The following KLF12 variants were observed in gnomAD, a reference collection of about 807,000 sequenced individuals.
KLF12 encodes the protein KLF transcription factor 12, also known as Krueppel-like factor 12.
Under a neutral mutation model 37.8 loss-of-function variants are expected in KLF12, and 9 were observed. The observed-to-expected ratio is 0.24, with a 90% CI of 0.14 to 0.42. The LOEUF (loss-of-function observed/expected upper bound fraction) is 0.42, where lower values mean the gene tolerates loss of function less well. Among genes scored for constraint, KLF12 ranks in the 10% least tolerant of loss-of-function variants. KLF12 has a pLI of 1.00. For synonymous variants in KLF12, 208 were observed against 202.1 expected (o/e 1.03, Z -0.25); for missense variants, 411 against 516.0 (o/e 0.80, Z 1.97).
At chr13:73,696,146 T>C (rs1329347309) in intron 7 of KLF12, among the ~76,000 whole-genome samples, 2 of 151,378 alleles carry the variant, frequency 1.3e-5, no homozygotes, top group African/African-American at 4.9e-5. Flanking sequence ...TCCAAGAATA[T>C]ACACAAAATT....
chr13:73,988,191 C>G (rs1052794859), intron 2 of KLF12, among the ~76,000 whole-genome samples: 5 of 152,208 alleles, frequency 3.3e-5, no homozygotes, highest in Non-Finnish European at 7.3e-5. Context: ...AAAATACACC[C>G]TTTTGCATTT....
At chr13:74,063,520 C>A (rs942911835) in intron 1 of KLF12, among the ~76,000 whole-genome samples, 1 of 152,162 alleles carries the variant, frequency 6.6e-6, no homozygotes, top group Non-Finnish European at 1.5e-5. Flanking sequence ...TGATAATCAG[C>A]CAAGATTTTA....
At chr13:74,283,853 T>C in the KLF12 span, among the ~76,000 whole-genome samples, 36 of 128,752 alleles carry the variant, frequency 2.8e-4, no homozygotes, top group African/African-American at 9.0e-4. Flanking sequence ...TAAGTATGTA[T>C]AAATCTTTTT....
At chr13:73,738,811 T>C (rs967902180) in intron 6 of KLF12, among the ~76,000 whole-genome samples, 2 of 152,196 alleles carry the variant, frequency 1.3e-5, no homozygotes, top group African/African-American at 4.8e-5. Flanking sequence ...CTGCCGGCCA[T>C]CTGTTGAGGT....
chr13:74,071,522 T>TA lies in KLF12; in HGVS notation c.-32+62216dup, dbSNP rs5804716. On this transcript the variant is annotated intron_variant, in intron 1 of 7. Coordinates refer to ENST00000377669, the MANE Select transcript of KLF12 (RefSeq NM_007249.5). ...TAACACAGTGAAACCCCGTCTCTAC[T>TA]AAAAAAAAAAATACAAAAAAATTAG... Among the ~76,000 whole-genome samples the TA allele has an allele frequency of 6.6e-3, 978 of 149,094 alleles. 4 individuals are homozygous for TA. Among genetic ancestry groups the TA allele is most frequent in the African/African-American group, 0.023 (940 of 40,462 alleles).
At chr13:73,981,157 G>GAAAC (rs760142834) in intron 2 of KLF12, among the ~76,000 whole-genome samples, 10 of 151,972 alleles carry the variant, frequency 6.6e-5, no homozygotes, top group African/African-American at 1.9e-4. Context: ...CCCTGTCTCA[G>GAAAC]AAACAAACAA....
At chr13:73,699,418 A>G (rs978254034) in intron 7 of KLF12, among the ~76,000 whole-genome samples, 1 of 152,090 alleles carries the variant, frequency 6.6e-6, no homozygotes, top group South Asian at 2.1e-4. Context: ...TTTAAAAATG[A>G]AAATTAAAAA....
upstream of KLF12, among the ~76,000 whole-genome samples, chr13:74,135,960 C>A (rs1349297436): frequency 6.6e-6 from 1 of 152,142 alleles, no homozygotes; most frequent in African/African-American, 2.4e-5. Flanking sequence ...ACAAAGGCGG[C>A]GTCTGCCTGG....
intron 7 of KLF12, among the ~76,000 whole-genome samples, chr13:73,698,533 C>G (rs1299045230): frequency 1.3e-5 from 2 of 152,124 alleles, no homozygotes; most frequent in African/African-American, 4.8e-5. Context: ...ACTTGAAAAT[C>G]TGGAGCAGGG....
intron 4 of KLF12, among the ~76,000 whole-genome samples, chr13:73,831,025 C>CACACACACAT (rs1555311663): frequency 1.4e-3 from 204 of 141,628 alleles, no homozygotes; most frequent in Admixed American, 3.1e-3. Flanking sequence ...CACACACACA[C>CACACACACAT]GCATACTTAT....
intron 6 of KLF12, among the ~76,000 whole-genome samples, chr13:73,744,584 G>A (rs1304976732): frequency 6.6e-6 from 1 of 151,884 alleles, no homozygotes; most frequent in East Asian, 1.9e-4. Flanking sequence ...GGGGTTGTGG[G>A]GGGTGGCAGC....
rs1015451958 is a variant in KLF12 at position 73,953,603 on chromosome 13, C to T, written c.34-9533G>A. Among the ~76,000 whole-genome samples the T allele has an allele frequency of 6.6e-5, 10 of 152,076 alleles. 1 individual carries two copies. The highest frequency in any genetic ancestry group is 1.3e-4 in the Admixed American group (2 of 15,266). Reference sequence around the variant, plus strand: ...TTGTGTCAAGAGAAAATGAAGATTACTATTAAGTATTAAGTCATATATTTT... The same window carrying T: ...TTGTGTCAAGAGAAAATGAAGATTATTATTAAGTATTAAGTCATATATTTT... On this transcript the variant is annotated intron_variant, in intron 2 of 7. Transcript: ENST00000377669.
chr13:73,850,447 T>A (rs570852901), intron 3 of KLF12, among the ~76,000 whole-genome samples: 1 of 152,214 alleles, frequency 6.6e-6, no homozygotes, highest in African/African-American at 2.4e-5. Flanking sequence ...CCTACAGTTA[T>A]CTATTGCTAT....
chr13:73,853,737 T>TA (rs10715902), intron 3 of KLF12, among the ~76,000 whole-genome samples: 156 of 139,650 alleles, frequency 1.1e-3, no homozygotes, highest in East Asian at 3.0e-3. Flanking sequence ...AGACCCTGTC[T>TA]AAAAAAAAAA....
At chr13:73,823,623 T>A (rs559433088) in intron 4 of KLF12, among the ~76,000 whole-genome samples, 7 of 152,212 alleles carry the variant, frequency 4.6e-5, no homozygotes, top group Admixed American at 3.3e-4. Context: ...CTATCAAAAA[T>A]CCTCAAAATT....
chr13:73,792,334 T>C (rs1881735205), intron 5 of KLF12, among the ~76,000 whole-genome samples: 1 of 152,226 alleles, frequency 6.6e-6, no homozygotes, highest in Admixed American at 6.5e-5. Context: ...TAAAATCTTT[T>C]TTATGAAGCC....
intron 3 of KLF12, among the ~76,000 whole-genome samples, chr13:73,921,381 T>C (rs1423006150): frequency 1.3e-5 from 2 of 152,142 alleles, no homozygotes; most frequent in African/African-American, 4.8e-5. Flanking sequence ...AGATTCTATA[T>C]AACAAGGGCC....
At chr13:74,071,451 G>C (rs543516335) in intron 1 of KLF12, among the ~76,000 whole-genome samples, 26 of 152,166 alleles carry the variant, frequency 1.7e-4, no homozygotes, top group Middle Eastern at 3.4e-3. Context: ...CTTTGGGAGG[G>C]TGAGGTGGGC....
Position 74,084,854 on chromosome 13 carries a change from G to A in KLF12, c.-32+48885C>T, listed in dbSNP as rs542391103. Among the ~76,000 whole-genome samples the A allele has an allele frequency of 3.3e-5, 5 of 152,018 alleles. No individual in the cohort carries two copies. In the South Asian group the frequency reaches 6.2e-4, roughly 19 times the overall value. The stretch of plus-strand genomic sequence containing the variant: ...AAAAAGGGATGGGAACATTTTTTCC[G>A]CTTATTTGAAAGCCAGTGTGCTAAT... On this transcript the variant is annotated intron_variant, in intron 1 of 7. Transcript: ENST00000377669.
Sources: gnomAD v4.1 joint callset for allele counts (sites outside exome capture counted in the v4.1 genomes callset) on GRCh38, gnomAD v4.1.1 for gene constraint, MANE v1.5 for transcripts, NCBI Gene and HGNC (gene_info 2026-07-23, HGNC 2026-07-21) for gene names.